The following ST6GALNAC3 variants were observed in gnomAD, a reference collection of about 807,000 sequenced individuals.
The protein encoded by ST6GALNAC3 is ST6 N-acetylgalactosaminide alpha-2,6-sialyltransferase 3.
In ST6GALNAC3, 25 loss-of-function variants were observed where a neutral mutation model predicts 32.7. The ratio of observed to expected loss-of-function variants is 0.76; its 90% CI spans 0.56 to 1.07. The LOEUF (loss-of-function observed/expected upper bound fraction) is 1.07, where lower values mean the gene tolerates loss of function less well. Ranked by LOEUF, ST6GALNAC3 falls within the 50% of genes least tolerant of loss-of-function variation. The pLI is 0.00. For synonymous variants in ST6GALNAC3, 129 were observed against 133.1 expected (o/e 0.97, Z 0.21); for missense variants, 355 against 382.4 (o/e 0.93, Z 0.60).
chr1:76,454,227 T>C (rs967931102), intron 3 of ST6GALNAC3, among the ~76,000 whole-genome samples: 2 of 152,190 alleles, frequency 1.3e-5, no homozygotes, highest in Non-Finnish European at 2.9e-5. Flanking sequence ...TGAATTCTTA[T>C]CCATTCTGCC....
Position 76,129,895 on chromosome 1 carries a change from C to T in ST6GALNAC3, c.18+55011C>T, listed in dbSNP as rs78669362. Among the ~76,000 whole-genome samples, 883 of 152,252 alleles carry T rather than the reference C, an allele frequency of 5.8e-3. 7 individuals are homozygous for T. The highest frequency in any genetic ancestry group is 6.5e-3 in the Non-Finnish European group (439 of 68,006). ...CAAACGAGCCTGCTGATACCCCTCA[C>T]GATAGGTCATCATTCTCGTCATACT... On this transcript the variant is annotated intron_variant, in intron 1 of 4. Coordinates refer to ENST00000328299, the MANE Select transcript of ST6GALNAC3 (RefSeq NM_152996.4).
chr1:76,636,656 T>C (rs1483284417), downstream of ST6GALNAC3, among the ~76,000 whole-genome samples: 1 of 152,174 alleles, frequency 6.6e-6, no homozygotes, highest in Non-Finnish European at 1.5e-5. Context: ...TTTCTACTCT[T>C]TGACTTCATT....
chr1:76,112,329 C>T (rs1221642320), intron 1 of ST6GALNAC3, among the ~76,000 whole-genome samples: 1 of 136,946 alleles, frequency 7.3e-6, no homozygotes. Flanking sequence ...CGGGCAGAGG[C>T]GCCCCTCACC....
chr1:76,556,809 A>G (rs765604206), intron 3 of ST6GALNAC3, among the ~76,000 whole-genome samples: 21 of 151,950 alleles, frequency 1.4e-4, no homozygotes, highest in Non-Finnish European at 2.1e-4. Context: ...ATTTTCTCTC[A>G]CCTTGTGGGC....
In ST6GALNAC3 at chr1:76,118,156, C is replaced by T. The variant is rs995145024; in HGVS notation, c.18+43272C>T. 7.2e-5 allele frequency among the ~76,000 whole-genome samples: 11 copies of T among 152,216 alleles called. No homozygotes were observed. In the South Asian group the frequency reaches 1.0e-3, roughly 14 times the overall value. On this transcript the variant is annotated intron_variant, in intron 1 of 4. Coordinates refer to ENST00000328299, the MANE Select transcript of ST6GALNAC3 (RefSeq NM_152996.4). ...CCTCCCCTTGCCCCCGACTCCCTGACGGGCCCCGGTGTGTGATGTTCCCCT... is the reference window on the plus strand; with the variant it reads ...CCTCCCCTTGCCCCCGACTCCCTGATGGGCCCCGGTGTGTGATGTTCCCCT...
chr1:76,128,674 C>T (rs748542950), intron 1 of ST6GALNAC3, among the ~76,000 whole-genome samples: 1 of 152,180 alleles, frequency 6.6e-6, no homozygotes, highest in Non-Finnish European at 1.5e-5. Context: ...ATAGTCACCA[C>T]CGAAGATGGA....
intron 1 of ST6GALNAC3, among the ~76,000 whole-genome samples, chr1:76,116,234 G>T (rs772798161): frequency 6.6e-6 from 1 of 152,284 alleles, no homozygotes; most frequent in Middle Eastern, 3.4e-3. Context: ...AGGGACAGGA[G>T]CTCAGTGAGG....
intron 3 of ST6GALNAC3, among the ~76,000 whole-genome samples, chr1:76,442,997 T>C (rs2101516821): frequency 6.6e-6 from 1 of 152,360 alleles, no homozygotes; most frequent in South Asian, 2.1e-4. Flanking sequence ...TGTAACTTCC[T>C]TCTGTGTTTT....
At chr1:76,299,029 G>A (rs1447585170) in intron 1 of ST6GALNAC3, among the ~76,000 whole-genome samples, 2 of 152,042 alleles carry the variant, frequency 1.3e-5, no homozygotes, top group African/African-American at 4.8e-5. Context: ...AGCCTGATTT[G>A]CAGAATACCA....
intron 1 of ST6GALNAC3, among the ~76,000 whole-genome samples, chr1:76,207,676 C>T (rs1486935): frequency 0.54 from 82,331 of 152,088 alleles, 24,011 homozygotes; most frequent in East Asian, 0.88. Context: ...GAGTTAATCA[C>T]CTCTTAAAGG....
At chr1:76,213,439 G>A (rs540353807) in intron 1 of ST6GALNAC3, among the ~76,000 whole-genome samples, 5 of 152,314 alleles carry the variant, frequency 3.3e-5, no homozygotes, top group East Asian at 1.9e-4. Context: ...AAATTTGATT[G>A]TGGGTTGTTT....
At chr1:76,521,327 A>G (rs1050345345) in intron 3 of ST6GALNAC3, among the ~76,000 whole-genome samples, 1 of 151,998 alleles carries the variant, frequency 6.6e-6, no homozygotes, top group East Asian at 1.9e-4. Flanking sequence ...ACATACATGC[A>G]TATACACACA....
intron 1 of ST6GALNAC3, among the ~76,000 whole-genome samples, chr1:76,253,484 T>G (rs1004511150): frequency 6.6e-6 from 1 of 152,106 alleles, no homozygotes; most frequent in Admixed American, 6.6e-5. Flanking sequence ...GAGAGCAAGA[T>G]GGAAAGAGAT....
intron 3 of ST6GALNAC3, among the ~76,000 whole-genome samples, chr1:76,414,408 T>A (rs2101322961): frequency 6.6e-6 from 1 of 152,156 alleles, no homozygotes; most frequent in Non-Finnish European, 1.5e-5. Context: ...GAATGGGTGA[T>A]TTAAGTAGAG....
At chr1:76,556,393 CT>C in intron 3 of ST6GALNAC3, among the ~76,000 whole-genome samples, 1 of 151,980 alleles carries the variant, frequency 6.6e-6, no homozygotes, top group South Asian at 2.1e-4. Context: ...GGATAAATAC[CT>C]GCCTGTGAGT....
chr1:76,353,568 A>T (rs1398345756), intron 2 of ST6GALNAC3: 1 of 155,698 alleles, frequency 6.4e-6, no homozygotes, highest in Non-Finnish European at 1.5e-5. Context: ...CAGTGAAGGG[A>T]TCTGGGCCTC....
intron 3 of ST6GALNAC3, among the ~76,000 whole-genome samples, chr1:76,457,996 G>A (rs1448652791): frequency 6.7e-6 from 1 of 148,892 alleles, no homozygotes; most frequent in South Asian, 2.1e-4. Context: ...CTGACAAAGG[G>A]CTAATATCCA....
chr1:76,518,364 T>G (rs1662299032), intron 3 of ST6GALNAC3, among the ~76,000 whole-genome samples: 1 of 152,112 alleles, frequency 6.6e-6, no homozygotes, highest in Non-Finnish European at 1.5e-5. Flanking sequence ...ATATCTGACA[T>G]GGCTTCTATT....
At chr1:76,357,581 C>A (rs1649585229) in intron 2 of ST6GALNAC3, among the ~76,000 whole-genome samples, 1 of 152,190 alleles carries the variant, frequency 6.6e-6, no homozygotes, top group African/African-American at 2.4e-5. Context: ...GAAAGCTTGA[C>A]AGAAATCATC....
Sources: gnomAD v4.1 joint callset for allele counts (sites outside exome capture counted in the v4.1 genomes callset) on GRCh38, gnomAD v4.1.1 for gene constraint, MANE v1.5 for transcripts, NCBI Gene and HGNC (gene_info 2026-07-23, HGNC 2026-07-21) for gene names.